Variants in LUZP2 observed in about 807,000 individuals in gnomAD.
LUZP2 encodes leucine zipper protein 2.
Under a neutral mutation model 51.6 loss-of-function variants are expected in LUZP2, and 52 were observed. The ratio of observed to expected loss-of-function variants is 1.01; its 90% CI spans 0.81 to 1.27. LUZP2 has a LOEUF of 1.27. Among genes scored for constraint, LUZP2 ranks in the 50% most tolerant of loss-of-function variants. The pLI is 0.00. For missense variants in LUZP2, 436 were observed against 395.4 expected, an observed-to-expected ratio of 1.10 and a Z score of -0.87; for synonymous variants, 154 against 137.3, an observed-to-expected ratio of 1.12 and a Z score of -0.85.
intron 1 of LUZP2, among the ~76,000 whole-genome samples, chr11:24,507,255 T>C (rs1259472910): frequency 6.6e-6 from 1 of 152,136 alleles, no homozygotes; most frequent in Non-Finnish European, 1.5e-5. Context: ...GCTTAGAAAC[T>C]ACAGCTCTAG....
chr11:24,686,222 GCA>G (rs1856892941), intron 1 of LUZP2, among the ~76,000 whole-genome samples: 1 of 58,442 alleles, frequency 1.7e-5, no homozygotes, highest in African/African-American at 7.0e-5. Flanking sequence ...AGTGAACTCT[GCA>G]AAAAAAAAAA....
At chr11:24,812,218 A>T (rs1850044027) in intron 5 of LUZP2, among the ~76,000 whole-genome samples, 1 of 151,960 alleles carries the variant, frequency 6.6e-6, no homozygotes, top group South Asian at 2.1e-4. Context: ...CATAACTTTT[A>T]CACAACATTT....
At chr11:24,682,596 G>GCA (rs1565074625) in intron 1 of LUZP2, among the ~76,000 whole-genome samples, 48 of 144,944 alleles carry the variant, frequency 3.3e-4, no homozygotes, top group East Asian at 6.2e-4. Context: ...ATGTGTGTGT[G>GCA]TGTATATATA....
intron 1 of LUZP2, among the ~76,000 whole-genome samples, chr11:24,537,399 C>CTGAACTAA (rs1325138262): frequency 1.3e-5 from 2 of 151,904 alleles, no homozygotes; most frequent in African/African-American, 4.8e-5. Context: ...AATATGTTGA[C>CTGAACTAA]ATACACAAGC....
At chr11:24,533,404 A>G (rs770552471) in intron 1 of LUZP2, among the ~76,000 whole-genome samples, 7 of 151,284 alleles carry the variant, frequency 4.6e-5, no homozygotes, top group Non-Finnish European at 1.0e-4. Context: ...ATATTTTCAT[A>G]TTCATTTATT....
chr11:24,693,260 T>C (rs1857135314), intron 1 of LUZP2, among the ~76,000 whole-genome samples: 1 of 151,656 alleles, frequency 6.6e-6, no homozygotes, highest in Non-Finnish European at 1.5e-5. Context: ...GGGTGATTTA[T>C]TGTATGACTA....
At chr11:24,814,750 T>C (rs1416432264) in intron 5 of LUZP2, among the ~76,000 whole-genome samples, 1 of 152,154 alleles carries the variant, frequency 6.6e-6, no homozygotes, top group Non-Finnish European at 1.5e-5. Context: ...CCCAGCACTT[T>C]GGGAGGCCAA....
chr11:25,077,336 G>C lies in LUZP2; in HGVS notation c.866G>C (p.Arg289Thr). Residue 289 changes from arginine to threonine, a missense_variant, in exon 11 of 12, where the codon AGA becomes ACA. Coordinates refer to ENST00000336930, the MANE Select transcript of LUZP2 (RefSeq NM_001009909.4). ...TAATTGCTACTTTTGTAGGAGGGCAGACCGTGTTCCATGAAGCACAAAGAA... is the reference window on the plus strand; with the variant it reads ...TAATTGCTACTTTTGTAGGAGGGCACACCGTGTTCCATGAAGCACAAAGAA... ...TTACDSQDEGRPCSMKHKESP... is the reference protein window; with the variant it reads ...TTACDSQDEGTPCSMKHKESP... 1 of 1,612,002 alleles carries C rather than the reference G, an allele frequency of 6.2e-7. No homozygotes were observed. The highest frequency in any genetic ancestry group is 8.5e-7 in the Non-Finnish European group (1 of 1,178,472).
intron 1 of LUZP2, among the ~76,000 whole-genome samples, chr11:24,682,539 GTATATGTATA>G (rs1554972899): frequency 7.1e-6 from 1 of 141,764 alleles, no homozygotes; most frequent in Non-Finnish European, 1.5e-5. Flanking sequence ...GGTTCAGTGT[GTATATGTATA>G]TATACACACT....
At chr11:24,554,512 G>A (rs999005731) in intron 1 of LUZP2, among the ~76,000 whole-genome samples, 1 of 151,892 alleles carries the variant, frequency 6.6e-6, no homozygotes, top group African/African-American at 2.4e-5. Flanking sequence ...TTTCAATGCA[G>A]CTTGTTGTAA....
chr11:24,630,882 C>T (rs555502579), intron 1 of LUZP2, among the ~76,000 whole-genome samples: 39 of 151,382 alleles, frequency 2.6e-4, no homozygotes, highest in Non-Finnish European at 5.3e-4. Flanking sequence ...TTCATTAGTG[C>T]TTTATAAGTT....
Position 25,019,343 on chromosome 11 carries a change from T to C in LUZP2, c.766-30695T>C, listed in dbSNP as rs74427340. Among the ~76,000 whole-genome samples, 319 of 152,282 alleles carry C rather than the reference T, an allele frequency of 2.1e-3. 1 individual carries two copies. Among genetic ancestry groups the C allele is most frequent in the African/African-American group, 7.4e-3 (308 of 41,576 alleles). On this transcript the variant is annotated intron_variant, in intron 9 of 11. Transcript: ENST00000336930. ...AGAGTAAACAGAATCATAGAAATAATAAGTTGCTCACAAAAGGTGACACAG... is the reference window on the plus strand; with the variant it reads ...AGAGTAAACAGAATCATAGAAATAACAAGTTGCTCACAAAAGGTGACACAG...
At position 24,732,189 on chromosome 11, in the gene LUZP2, G is replaced by A; in HGVS notation, c.251+1G>A. On this transcript the variant is annotated splice_donor_variant, in intron 3 of 11. Coordinates refer to ENST00000336930, the MANE Select transcript of LUZP2 (RefSeq NM_001009909.4). LOFTEE classifies it high-confidence loss of function. Reference sequence around the variant, plus strand: ...TTCTGGAATTAGGACAGAAACAAAGGTAAGACTTTTCTTTTTTTCTTAGTT... The same window carrying A: ...TTCTGGAATTAGGACAGAAACAAAGATAAGACTTTTCTTTTTTTCTTAGTT... 1 of 1,598,854 alleles carries A rather than the reference G, an allele frequency of 6.3e-7. No individual in the cohort carries two copies. The highest frequency in any genetic ancestry group is 1.3e-5 in the African/African-American group (1 of 74,206).
intron 9 of LUZP2, among the ~76,000 whole-genome samples, chr11:25,048,444 G>A (rs1160467780): frequency 6.6e-6 from 1 of 152,102 alleles, no homozygotes; most frequent in East Asian, 1.9e-4. Context: ...TTATATTAGA[G>A]TTACTTATGT....
chr11:24,993,871 G>T (rs950298217), intron 9 of LUZP2, among the ~76,000 whole-genome samples: 3 of 151,520 alleles, frequency 2.0e-5, no homozygotes, highest in South Asian at 2.1e-4. Flanking sequence ...TTTTGGGGGG[G>T]GTGTGGGGGA....
At chr11:24,645,062 A>G (rs1051679316) in intron 1 of LUZP2, among the ~76,000 whole-genome samples, 1 of 152,156 alleles carries the variant, frequency 6.6e-6, no homozygotes, top group East Asian at 1.9e-4. Flanking sequence ...TTTATTTTAC[A>G]TTCCAATCCT....
intron 1 of LUZP2, among the ~76,000 whole-genome samples, chr11:24,502,144 AG>A (rs1473167029): frequency 0.04 from 6,113 of 151,276 alleles, 308 homozygotes; most frequent in African/African-American, 0.12. Flanking sequence ...TACTCAACAA[AG>A]GTTAGCCTGT....
At chr11:24,500,457 C>G (rs1431792942) in intron 1 of LUZP2, among the ~76,000 whole-genome samples, 2 of 152,100 alleles carry the variant, frequency 1.3e-5, no homozygotes, top group African/African-American at 2.4e-5. Context: ...TTTAAGATAG[C>G]CTTGTTGTAT....
chr11:25,018,626 TA>T lies in LUZP2; in HGVS notation c.766-31409del, dbSNP rs759574420. Among the ~76,000 whole-genome samples the T allele has an allele frequency of 1.3e-4, 4 of 29,724 alleles. 1 individual carries two copies. The highest frequency in any genetic ancestry group is 1.9e-4 in the Non-Finnish European group (3 of 15,470). 19.5% of individuals were successfully genotyped at this position (29,724 alleles called of 152,430 possible). On this transcript the variant is annotated intron_variant, in intron 9 of 11. Transcript: ENST00000336930. ...TCCTTTTTTTTTTTTTTTTTTTTTT[TA>T]AAGACACTCTCACTCTGTTGCCCAG...
Sources: allele counts gnomAD v4.1 joint callset (sites outside exome capture counted in the v4.1 genomes callset), GRCh38; gene constraint gnomAD v4.1.1; transcripts MANE v1.5; gene names NCBI Gene and HGNC (gene_info 2026-07-23, HGNC 2026-07-21).